The following AGAP1 variants were observed in gnomAD, a reference collection of about 807,000 sequenced individuals.
AGAP1 encodes the protein ArfGAP with GTPase domain, ankyrin repeat and PH domain 1.
In AGAP1, 29 loss-of-function variants were observed where a neutral mutation model predicts 105.3. That is an observed-to-expected ratio of 0.28 (90% CI 0.21 to 0.38). AGAP1 has a LOEUF of 0.38. AGAP1 is among the 10% of genes least tolerant of loss of function. AGAP1 has a pLI of 1.00. For missense variants in AGAP1, 998 were observed against 1,165.1 expected (o/e 0.86, Z 2.09); for synonymous variants, 509 against 485.9 (o/e 1.05, Z -0.63).
At chr2:235,688,917 C>T (rs942174578) in intron 1 of AGAP1, among the ~76,000 whole-genome samples, 7 of 152,110 alleles carry the variant, frequency 4.6e-5, no homozygotes, top group East Asian at 1.9e-4. Context: ...GTCACAGTAA[C>T]GCAATTGCAG....
In AGAP1 at chr2:235,787,511, T is replaced by A. The variant is rs1016107278; in HGVS notation, c.674-10248T>A. Among the ~76,000 whole-genome samples the A allele has an allele frequency of 6.6e-6, 1 of 152,180 alleles. No individual in the cohort carries two copies. Among genetic ancestry groups the A allele is most frequent in the Non-Finnish European group, 1.5e-5 (1 of 68,036 alleles). On this transcript the variant is annotated intron_variant, in intron 6 of 17. Coordinates refer to ENST00000304032, the MANE Select transcript of AGAP1 (RefSeq NM_001037131.3). This position sits in a 1 kb window ranked among gnomAD's most constrained non-coding sequence, Gnocchi z 4.4. ...GGGAGAGAAAGGTGCAGACAAGGTG[T>A]GCAGGAGGTGGATGTGATGTTGTGG... is the stretch of plus-strand genomic sequence containing the variant.
intron 11 of AGAP1, among the ~76,000 whole-genome samples, chr2:235,923,833 TG>T (rs909079434): frequency 6.6e-6 from 1 of 152,206 alleles, no homozygotes; most frequent in Non-Finnish European, 1.5e-5. Flanking sequence ...TGCATCTGTA[TG>T]ATTTAAATCT....
chr2:235,510,471 A>G (rs760414908), intron 1 of AGAP1, among the ~76,000 whole-genome samples: 1 of 152,200 alleles, frequency 6.6e-6, no homozygotes, highest in Non-Finnish European at 1.5e-5. Flanking sequence ...AGTTGTTTCC[A>G]GTTCTTGGCT....
chr2:235,692,487 G>A lies in AGAP1; in HGVS notation c.164-16692G>A, dbSNP rs1030804142. ...AAGCCACCAGGTGACTTCCACTGCC[G>A]TTAGAATGAAACCCAAACTCTGCAC... On this transcript the variant is annotated intron_variant, in intron 1 of 17. Transcript: ENST00000304032. This position sits in a 1 kb window ranked among gnomAD's most constrained non-coding sequence, Gnocchi z 5.8. Among the ~76,000 whole-genome samples, 7 of 152,104 alleles carry A rather than the reference G, an allele frequency of 4.6e-5. No individual in the cohort carries two copies. The highest frequency in any genetic ancestry group is 2.1e-4 in the South Asian group (1 of 4,822).
chr2:235,662,091 G>A lies in AGAP1; in HGVS notation c.164-47088G>A, dbSNP rs192583302. On this transcript the variant is annotated intron_variant, in intron 1 of 17. Transcript: ENST00000304032. The surrounding 1 kb of genome is among the most constrained non-coding windows in gnomAD (Gnocchi z 4.2). ...ATTCAGGGAAGGAAAAGACCATGGC[G>A]CTGAGGAGGCGGCACGGCCTGGCCC... Among the ~76,000 whole-genome samples, 1 of 152,180 alleles carries A rather than the reference G, an allele frequency of 6.6e-6. No homozygotes were observed. Among genetic ancestry groups the A allele is most frequent in the Non-Finnish European group, 1.5e-5 (1 of 68,036 alleles).
intron 1 of AGAP1, among the ~76,000 whole-genome samples, chr2:235,617,252 T>C (rs1360651754): frequency 3.3e-5 from 5 of 152,200 alleles, no homozygotes; most frequent in African/African-American, 1.2e-4. Context: ...TCCAGAGAAT[T>C]AGATTTTGTT....
intron 6 of AGAP1, among the ~76,000 whole-genome samples, chr2:235,762,105 C>T (rs930347765): frequency 5.4e-5 from 7 of 130,546 alleles, no homozygotes; most frequent in Non-Finnish European, 9.8e-5. Context: ...AGGAAAACTC[C>T]GTCTCAAAAA....
rs1378841816 is a variant in AGAP1 at position 235,551,577 on chromosome 2, G to A, written c.163+56728G>A. On this transcript the variant is annotated intron_variant, in intron 1 of 17. Transcript: ENST00000304032. The surrounding 1 kb of genome is among the most constrained non-coding windows in gnomAD (Gnocchi z 4.8). ...GCCTCCCAAAGTGCTGGGATTATAG[G>A]CATCAACTACCATTGCCAGCCTGAG... Among the ~76,000 whole-genome samples, 1 of 152,190 alleles carries A rather than the reference G, an allele frequency of 6.6e-6. No individual in the cohort carries two copies. The highest frequency in any genetic ancestry group is 1.5e-5 in the Non-Finnish European group (1 of 68,028).
intron 1 of AGAP1, among the ~76,000 whole-genome samples, chr2:235,641,430 C>T (rs186509723): frequency 2.1e-4 from 31 of 150,678 alleles, no homozygotes; most frequent in Admixed American, 1.3e-3. Flanking sequence ...CTCTCCCCGA[C>T]CCGATTTTTT....
chr2:235,822,851 C>T (rs756389372), intron 9 of AGAP1, among the ~76,000 whole-genome samples: 3 of 152,070 alleles, frequency 2.0e-5, no homozygotes, highest in Admixed American at 6.6e-5. Context: ...TCGTGGACCC[C>T]GACGGGTGGG....
intron 1 of AGAP1, among the ~76,000 whole-genome samples, chr2:235,533,180 T>C (rs890715196): frequency 1.7e-4 from 26 of 152,242 alleles, no homozygotes; most frequent in African/African-American, 5.5e-4. Context: ...GAAAACATCT[T>C]TTAAAAATCT....
At position 236,096,695 on chromosome 2, in the gene AGAP1, C is replaced by A. The variant is rs1302622269; in HGVS notation, c.2115-23497C>A. ...CCCGGTTCAAGTGATTCTTCTGCCT[C>A]GGCCTCCTGAGTAGCTGGGATTACA... On this transcript the variant is annotated intron_variant, in intron 16 of 17. Transcript: ENST00000304032. This position sits in a 1 kb window ranked among gnomAD's most constrained non-coding sequence, Gnocchi z 4.4. Among the ~76,000 whole-genome samples, 2 of 151,866 alleles carry A rather than the reference C, an allele frequency of 1.3e-5. No homozygotes were observed.
chr2:236,075,988 G>A lies in AGAP1; in HGVS notation c.2114+26707G>A, dbSNP rs545238937. ...CCGGGGCAGCGTGGGTCACCCAGGC[G>A]GAGGCGGTGCCGCCCCCTCACATGG... On this transcript the variant is annotated intron_variant, in intron 16 of 17. Coordinates refer to ENST00000304032, the MANE Select transcript of AGAP1 (RefSeq NM_001037131.3). Among the ~76,000 whole-genome samples the A allele has an allele frequency of 1.2e-3, 187 of 152,338 alleles. 1 individual carries two copies. Among genetic ancestry groups the A allele is most frequent in the Non-Finnish European group, 1.5e-3 (105 of 68,030 alleles).
At chr2:236,057,999 A>C (rs1422633546) in intron 16 of AGAP1, among the ~76,000 whole-genome samples, 1 of 151,950 alleles carries the variant, frequency 6.6e-6, no homozygotes, top group African/African-American at 2.4e-5. Context: ...GCCCATGTTT[A>C]TTTTGCTTTG....
intron 1 of AGAP1, among the ~76,000 whole-genome samples, chr2:235,688,392 T>A (rs1949570537): frequency 1.3e-5 from 2 of 152,220 alleles, no homozygotes; most frequent in Admixed American, 1.3e-4. Context: ...AACATTGTTT[T>A]TTTCATTCTC....
At chr2:235,804,296 A>G (rs999250202) in intron 8 of AGAP1, among the ~76,000 whole-genome samples, 1 of 152,184 alleles carries the variant, frequency 6.6e-6, no homozygotes, top group Non-Finnish European at 1.5e-5. Flanking sequence ...TATTTATGTG[A>G]TATTTTTAAA....
Position 235,785,708 on chromosome 2 carries a change from C to T in AGAP1, c.674-12051C>T, listed in dbSNP as rs73126440. On this transcript the variant is annotated intron_variant, in intron 6 of 17. Transcript: ENST00000304032. The stretch of plus-strand genomic sequence containing the variant: ...ATAATTTGGCATAATCAGTCTGGCA[C>T]GCTATCATGTTGTTGGTGGTACCTT... Among the ~76,000 whole-genome samples the T allele has an allele frequency of 2.4e-3, 364 of 152,186 alleles. 1 individual carries two copies. Among genetic ancestry groups the T allele is most frequent in the African/African-American group, 8.3e-3 (343 of 41,514 alleles).
In AGAP1 at chr2:235,801,926, A is replaced by G. The variant is rs543906044; in HGVS notation, c.957+2404A>G. Among the ~76,000 whole-genome samples the G allele has an allele frequency of 3.3e-5, 5 of 152,230 alleles. No individual in the cohort carries two copies. The highest frequency in any genetic ancestry group is 3.3e-4 in the Admixed American group (5 of 15,304). On this transcript the variant is annotated intron_variant, in intron 8 of 17. Transcript: ENST00000304032. This position sits in a 1 kb window ranked among gnomAD's most constrained non-coding sequence, Gnocchi z 6.0. ...AAAAATGAGACTATTTATAAGGAGA[A>G]TACCAGCACCTTCCCATCCCCTCCC...
intron 1 of AGAP1, among the ~76,000 whole-genome samples, chr2:235,624,663 G>T (rs1172280571): frequency 6.6e-6 from 1 of 152,116 alleles, no homozygotes; most frequent in Non-Finnish European, 1.5e-5. Flanking sequence ...TTTGCCAGGG[G>T]TCTCAGCTAC....
Sources: allele counts gnomAD v4.1 joint callset (sites outside exome capture counted in the v4.1 genomes callset), GRCh38; gene constraint gnomAD v4.1.1; non-coding constraint Gnocchi (gnomAD v3.1); transcripts MANE v1.5; gene names NCBI Gene and HGNC (gene_info 2026-07-23, HGNC 2026-07-21).